The following GATB variants were observed in gnomAD, a reference collection of about 807,000 sequenced individuals.
GATB encodes glutamyl-tRNA(Gln) amidotransferase subunit B, mitochondrial.
A neutral mutation model predicts 62.3 loss-of-function variants in GATB; 39 were observed. That is an observed-to-expected ratio of 0.63 (90% CI 0.48 to 0.82). GATB has a LOEUF of 0.82. Among genes scored for constraint, GATB ranks in the 40% least tolerant of loss-of-function variants. The pLI, the probability that GATB is intolerant of heterozygous loss-of-function variation, is 0.00. For missense variants in GATB, 670 were observed against 684.0 expected (o/e 0.98, Z 0.23); for synonymous variants, 276 against 258.9 (o/e 1.07, Z -0.63).
Position 151,758,967 on chromosome 4 carries a change from C to A in GATB, c.177-45G>T, listed in dbSNP as rs781511782. The A allele has an allele frequency of 3.5e-6, 5 of 1,408,644 alleles. No individual in the cohort carries two copies. In the African/African-American group the frequency reaches 5.8e-5, roughly 16 times the overall value. 87.3% of individuals were successfully genotyped at this position (1,408,644 alleles called of 1,614,324 possible). A position where few individuals can be genotyped will look rare whatever the true frequency, so the allele number is the denominator to read the frequency against. On this transcript the variant is annotated intron_variant, in intron 1 of 12. Transcript: ENST00000263985. ...GGTTAAGATGTATTATATTTGTCACCATGAATGAATTTCTATAAGTCTAAA... is the reference window on the plus strand; with the variant it reads ...GGTTAAGATGTATTATATTTGTCACAATGAATGAATTTCTATAAGTCTAAA...
intron 2 of GATB, among the ~76,000 whole-genome samples, chr4:151,756,541 C>T (rs918542165): frequency 4.0e-5 from 6 of 151,882 alleles, no homozygotes; most frequent in Admixed American, 3.9e-4. Flanking sequence ...ACAGAATAAC[C>T]CATCTAGGCT....
At chr4:151,705,087 C>G (rs535567157) in intron 7 of GATB, 98 bp downstream of exon 7, 4 of 759,974 alleles carry the variant, frequency 5.3e-6, no homozygotes, top group Non-Finnish European at 6.9e-6. Flanking sequence ...GGAGACGCTA[C>G]GTGCCTCCTT....
intron 7 of GATB, 36 bp downstream of exon 7, chr4:151,705,149 C>G (rs376597368): frequency 6.8e-7 from 1 of 1,480,902 alleles, no homozygotes; most frequent in African/African-American, 1.4e-5. Flanking sequence ...GCACCACCCC[C>G]GGCTGTGGTC....
At chr4:151,699,687 G>T (rs1336990705) in intron 9 of GATB, among the ~76,000 whole-genome samples, 5 of 152,080 alleles carry the variant, frequency 3.3e-5, no homozygotes, top group Admixed American at 3.3e-4. Context: ...CTCTGAAGGG[G>T]GCACAGATTC....
chr4:151,712,417 A>G (rs1316970145), intron 5 of GATB, among the ~76,000 whole-genome samples: 1 of 152,222 alleles, frequency 6.6e-6, no homozygotes, highest in Non-Finnish European at 1.5e-5. Context: ...CTCAATTTCT[A>G]TCTTCTAGAA....
intron 10 of GATB, among the ~76,000 whole-genome samples, chr4:151,685,312 T>C (rs188193213): frequency 1.3e-3 from 193 of 152,306 alleles, no homozygotes; most frequent in Non-Finnish European, 2.2e-3. Flanking sequence ...AAAATTCTGA[T>C]GCACAAGTTC....
At chr4:151,715,906 A>C in intron 5 of GATB, 103 bp downstream of exon 5, 1 of 1,312,222 alleles carries the variant, frequency 7.6e-7, no homozygotes, top group South Asian at 2.0e-5. Context: ...AAATGGCTGC[A>C]AACAACCTCA....
chr4:151,697,561 C>A (rs1377023382), intron 9 of GATB, among the ~76,000 whole-genome samples: 3 of 151,846 alleles, frequency 2.0e-5, no homozygotes, highest in Non-Finnish European at 2.9e-5. Context: ...TCCAGACTTA[C>A]ACTATGCAAT....
In GATB at chr4:151,716,914, T is replaced by G. The variant is rs1354996100; in HGVS notation, c.602A>C (p.Asn201Thr). The G allele has an allele frequency of 6.8e-6, 11 of 1,614,166 alleles. No individual in the cohort carries two copies. The highest frequency in any genetic ancestry group is 7.6e-6 in the Non-Finnish European group (9 of 1,180,008). Reference protein sequence around the residue: ...EQDSGKSLHDNLRSQTLIDLN... With the variant: ...EQDSGKSLHDTLRSQTLIDLN... ...ATCAATGAGCGTCTGAGACCTCAGG[T>G]TGTCGTGGAGGCTTTTGCCACTGTC... Residue 201 changes from asparagine to threonine, a missense_variant, in exon 4 of 13, where the codon AAC becomes ACC. Asn to Thr is a moderately conservative substitution (Grantham distance 65). Transcript: ENST00000263985.
At chr4:151,760,760 A>T in intron 1 of GATB, 47 bp downstream of exon 1, 1 of 1,501,278 alleles carries the variant, frequency 6.7e-7, no homozygotes, top group Non-Finnish European at 9.0e-7. Context: ...CCAGTCCTGC[A>T]GTTCCACCTC....
intron 2 of GATB, among the ~76,000 whole-genome samples, chr4:151,756,993 GA>G (rs112023407): frequency 6.6e-6 from 1 of 151,956 alleles, no homozygotes. Flanking sequence ...TACAACATGG[GA>G]AAAAAATGTT....
chr4:151,755,074 C>T (rs1739800235), intron 2 of GATB, among the ~76,000 whole-genome samples: 2 of 152,104 alleles, frequency 1.3e-5, no homozygotes, highest in South Asian at 4.1e-4. Context: ...TAATTAATTA[C>T]CTGTTATTAC....
intron 5 of GATB, among the ~76,000 whole-genome samples, chr4:151,712,804 C>T (rs1415284068): frequency 6.6e-6 from 1 of 152,218 alleles, no homozygotes; most frequent in South Asian, 2.1e-4. Flanking sequence ...GTTTTCTAGA[C>T]ATTAGTACAT....
chr4:151,724,321 C>G (rs1225128517), intron 2 of GATB: 1 of 152,422 alleles, frequency 6.6e-6, no homozygotes. Flanking sequence ...CCCACTCCCA[C>G]CAGGACTTCT....
chr4:151,731,448 G>A (rs377690410), intron 2 of GATB, among the ~76,000 whole-genome samples: 23 of 152,102 alleles, frequency 1.5e-4, no homozygotes, highest in African/African-American at 5.1e-4. Context: ...GTGCAGTGGC[G>A]TGATCTCGGC....
chr4:151,682,542 T>A (rs1211149523), intron 10 of GATB, among the ~76,000 whole-genome samples: 1 of 152,060 alleles, frequency 6.6e-6, no homozygotes, highest in African/African-American at 2.4e-5. Context: ...TTCCCTCCCA[T>A]TCTCTGAGGC....
At chr4:151,737,995 G>A (rs76911344) in intron 2 of GATB, among the ~76,000 whole-genome samples, 1,572 of 152,294 alleles carry the variant, frequency 0.01, 21 homozygotes, top group African/African-American at 0.036. Context: ...GAAGGGAAAT[G>A]TGGAGTCAGA....
Position 151,688,765 on chromosome 4 carries a change from T to G in GATB, c.1198-2A>C. 1 of 1,515,084 alleles carries G rather than the reference T, an allele frequency of 6.6e-7. No individual in the cohort carries two copies. Among genetic ancestry groups the G allele is most frequent in the Non-Finnish European group, 8.7e-7 (1 of 1,152,866 alleles). 93.9% of individuals were successfully genotyped at this position (1,515,084 alleles called of 1,614,324 possible). A position where few individuals can be genotyped will look rare whatever the true frequency, so the allele number is the denominator to read the frequency against. ...GAACTCCAGTAGGCCGACTTCGTTC[T>G]GTTAAAAAAAAAAAAAGAAAATTAC... On this transcript the variant is annotated splice_acceptor_variant, in intron 9 of 12. Transcript: ENST00000263985. LOFTEE classifies it high-confidence loss of function.
At chr4:151,719,279 G>A (rs1738978875) in intron 3 of GATB, 146 bp downstream of exon 3, 1 of 593,722 alleles carries the variant, frequency 1.7e-6, no homozygotes. Flanking sequence ...CCTGCATCAG[G>A]GCTGGGCCGA....
Sources: gnomAD v4.1 joint callset for allele counts (sites outside exome capture counted in the v4.1 genomes callset) on GRCh38, gnomAD v4.1.1 for gene constraint, MANE v1.5 for transcripts, NCBI Gene and HGNC (gene_info 2026-07-23, HGNC 2026-07-21) for gene names.